Variants in TMEM132C observed in about 807,000 individuals in gnomAD.
TMEM132C encodes the protein protein phosphatase 1, regulatory subunit 152.
A neutral mutation model predicts 61.4 loss-of-function variants in TMEM132C; 29 were observed. The ratio of observed to expected loss-of-function variants is 0.47; its 90% CI spans 0.35 to 0.64. TMEM132C has a LOEUF of 0.64. TMEM132C is among the 30% of genes least tolerant of loss of function. TMEM132C has a pLI of 0.00. For synonymous variants in TMEM132C, 656 were observed against 633.1 expected (o/e 1.04, Z -0.54); for missense variants, 1,408 against 1,476.9 (o/e 0.95, Z 0.76).
chr12:128,580,157 G>A lies in TMEM132C; in HGVS notation c.1122-35995G>A, dbSNP rs990911571. 2.0e-5 allele frequency among the ~76,000 whole-genome samples: 3 copies of A among 152,146 alleles called. No individual in the cohort carries two copies. In the South Asian group the frequency reaches 6.2e-4, roughly 32 times the overall value. ...GGAATAATACTGTGAATTGTTGGAA[G>A]GATTAAAAAACAAGCAAATAAAAAT... On this transcript the variant is annotated intron_variant, in intron 3 of 8. Coordinates refer to ENST00000435159, the MANE Select transcript of TMEM132C (RefSeq NM_001136103.3).
chr12:128,345,822 CCTATT>C (rs768704219), intron 1 of TMEM132C, among the ~76,000 whole-genome samples: 2 of 151,628 alleles, frequency 1.3e-5, no homozygotes, highest in Non-Finnish European at 2.9e-5. Context: ...AATATTTTCT[CCTATT>C]CTGTATGTTG....
rs1228059967 is a variant in TMEM132C at position 128,640,439 on chromosome 12, A to G, written c.1305+24104A>G. 2.6e-5 allele frequency among the ~76,000 whole-genome samples: 4 copies of G among 152,314 alleles called. No individual in the cohort carries two copies. The South Asian group carries it at 8.3e-4, about 32-fold the overall frequency. On this transcript the variant is annotated intron_variant, in intron 4 of 8. Coordinates refer to ENST00000435159, the MANE Select transcript of TMEM132C (RefSeq NM_001136103.3). Reference sequence around the variant, plus strand: ...TTACAGAAGGGGTAAATCCACAGAGACAAAAAGGAGCTTAGTGGCCGCCCA... The same window carrying G: ...TTACAGAAGGGGTAAATCCACAGAGGCAAAAAGGAGCTTAGTGGCCGCCCA...
intron 8 of TMEM132C, among the ~76,000 whole-genome samples, chr12:128,700,897 A>C (rs1954799141): frequency 6.6e-6 from 1 of 152,216 alleles, no homozygotes; most frequent in Non-Finnish European, 1.5e-5. Context: ...GCTGAGCCTG[A>C]GACAAGGATT....
rs1043034118 is a variant in TMEM132C, at chr12:128,570,924, A to G, written c.1121+26821A>G. 7.2e-5 allele frequency among the ~76,000 whole-genome samples: 11 copies of G among 152,152 alleles called. No homozygotes were observed. The highest frequency in any genetic ancestry group is 1.0e-4 in the Non-Finnish European group (7 of 68,028). On this transcript the variant is annotated intron_variant, in intron 3 of 8. Coordinates refer to ENST00000435159, the MANE Select transcript of TMEM132C (RefSeq NM_001136103.3). The surrounding 1 kb of genome is among the most constrained non-coding windows in gnomAD (Gnocchi z 4.7). ...AATAAGGAAGTCTGGGGAAGTTACT[A>G]TTTTCACTTTGGCACGTTACCACCC...
In TMEM132C at chr12:128,695,986, G is replaced by A; in HGVS notation, c.1812G>A (p.Trp604Ter). The A allele has an allele frequency of 6.4e-7, 1 of 1,551,790 alleles. No individual in the cohort carries two copies. The highest frequency in any genetic ancestry group is 8.7e-7 in the Non-Finnish European group (1 of 1,147,022). ...CGAACTACCTGCTTAGTCCTAACTG[G>A]CAGTTCGACATCACTCACCTGGTGG... ...GQPNYLLSPN[W>*]QFDITHLVAD... The change falls in exon 7 of 9, where the codon TGG becomes TGA. Residue 604 changes from tryptophan to a stop codon, truncating the protein, a stop_gained. Transcript: ENST00000435159. LOFTEE classifies it high-confidence loss of function.
At chr12:128,344,218 C>T (rs781495633) in intron 1 of TMEM132C, among the ~76,000 whole-genome samples, 4 of 152,166 alleles carry the variant, frequency 2.6e-5, no homozygotes, top group South Asian at 2.1e-4. Flanking sequence ...AGTGCCGTGG[C>T]GCAATCTAGG....
chr12:128,503,341 G>A (rs1055326853), intron 2 of TMEM132C, among the ~76,000 whole-genome samples: 1 of 150,994 alleles, frequency 6.6e-6, no homozygotes, highest in African/African-American at 2.4e-5. Flanking sequence ...TTAAGTGTAG[G>A]CGAGGAGCCG....
intron 2 of TMEM132C, among the ~76,000 whole-genome samples, chr12:128,422,735 G>A (rs141254924): frequency 6.6e-6 from 1 of 152,286 alleles, no homozygotes; most frequent in African/African-American, 2.4e-5. Context: ...GTGTTGGGCT[G>A]TCTGGTGCAT....
At chr12:128,526,554 A>G (rs567578930) in intron 2 of TMEM132C, among the ~76,000 whole-genome samples, 2 of 152,376 alleles carry the variant, frequency 1.3e-5, no homozygotes, top group African/African-American at 4.8e-5. Context: ...TTCCGACTAT[A>G]GCATCCTTCC....
At chr12:128,628,010 C>G (rs1213253333) in intron 4 of TMEM132C, among the ~76,000 whole-genome samples, 2 of 152,174 alleles carry the variant, frequency 1.3e-5, no homozygotes, top group Admixed American at 6.5e-5. Context: ...TGGCATCAGC[C>G]AGGTCTCCCC....
intron 2 of TMEM132C, among the ~76,000 whole-genome samples, chr12:128,500,339 A>G (rs1303679475): frequency 2.6e-5 from 4 of 152,198 alleles, no homozygotes; most frequent in Non-Finnish European, 5.9e-5. Flanking sequence ...GATAAAATAG[A>G]TCAACCAGAT....
At chr12:128,618,534 C>T (rs922101111) in intron 4 of TMEM132C, among the ~76,000 whole-genome samples, 1 of 152,190 alleles carries the variant, frequency 6.6e-6, no homozygotes, top group Non-Finnish European at 1.5e-5. Flanking sequence ...ACCCAAATCT[C>T]ATCTTTAATT....
chr12:128,664,253 C>T (rs1442558725), intron 4 of TMEM132C, among the ~76,000 whole-genome samples: 2 of 97,658 alleles, frequency 2.0e-5, no homozygotes, highest in Non-Finnish European at 4.0e-5. Context: ...GAAGTAATTC[C>T]ATGTTCTTAT....
intron 1 of TMEM132C, among the ~76,000 whole-genome samples, chr12:128,323,401 A>C (rs1202930073): frequency 6.6e-6 from 1 of 152,270 alleles, no homozygotes; most frequent in African/African-American, 2.4e-5. Flanking sequence ...GTGACGAAGC[A>C]GGAATTTTAG....
chr12:128,651,040 G>A (rs1220602830), intron 4 of TMEM132C, among the ~76,000 whole-genome samples: 1 of 152,158 alleles, frequency 6.6e-6, no homozygotes, highest in African/African-American at 2.4e-5. Context: ...TTCAAACCAT[G>A]ACTTGCTGTC....
chr12:128,443,998 A>C (rs1869884405), intron 2 of TMEM132C, among the ~76,000 whole-genome samples: 1 of 152,120 alleles, frequency 6.6e-6, no homozygotes, highest in Non-Finnish European at 1.5e-5. Context: ...GTCATAGCTC[A>C]CTGTAGCCTC....
intron 1 of TMEM132C, among the ~76,000 whole-genome samples, chr12:128,363,763 C>T (rs1254453592): frequency 2.0e-5 from 3 of 150,538 alleles, no homozygotes; most frequent in African/African-American, 7.3e-5. Flanking sequence ...GAAAATAACT[C>T]GAACCCAGAA....
At chr12:128,545,769 A>G (rs550791464) in intron 3 of TMEM132C, among the ~76,000 whole-genome samples, 58 of 152,324 alleles carry the variant, frequency 3.8e-4, no homozygotes, top group South Asian at 2.9e-3. Context: ...ATTTATTCTT[A>G]TAGATAATGC....
chr12:128,577,120 C>T (rs1287376523), intron 3 of TMEM132C, among the ~76,000 whole-genome samples: 1 of 152,164 alleles, frequency 6.6e-6, no homozygotes, highest in Admixed American at 6.5e-5. Context: ...CACTAATCTG[C>T]TCTCTGTCTC....
Sources: allele counts gnomAD v4.1 joint callset (sites outside exome capture counted in the v4.1 genomes callset), GRCh38; gene constraint gnomAD v4.1.1; non-coding constraint Gnocchi (gnomAD v3.1); transcripts MANE v1.5; gene names NCBI Gene and HGNC (gene_info 2026-07-23, HGNC 2026-07-21).